Variants in HDAC9 observed in about 807,000 individuals in gnomAD.
HDAC9 encodes the protein MEF-2 interacting transcription repressor (MITR) protein.
In HDAC9, 41 loss-of-function variants were observed where a neutral mutation model predicts 139.4. The observed-to-expected ratio is 0.29, with a 90% CI of 0.23 to 0.38. The LOEUF is 0.38. Ranked by LOEUF, HDAC9 falls within the 10% of genes least tolerant of loss-of-function variation. The pLI, the probability that HDAC9 is intolerant of heterozygous loss-of-function variation, is 1.00. For synonymous variants in HDAC9, 517 were observed against 476.2 expected, an observed-to-expected ratio of 1.09 and a Z score of -1.12; for missense variants, 1,147 against 1,297.0, an observed-to-expected ratio of 0.88 and a Z score of 1.78.
intron 8 of HDAC9, among the ~76,000 whole-genome samples, chr7:18,644,226 A>T (rs1454570967): frequency 1.3e-5 from 2 of 152,098 alleles, no homozygotes; most frequent in Non-Finnish European, 2.9e-5. Context: ...TTAATCTAAG[A>T]TTTTTCTTGG....
intron 2 of HDAC9, among the ~76,000 whole-genome samples, chr7:18,208,470 G>T (rs1791704139): frequency 6.6e-6 from 1 of 150,434 alleles, no homozygotes; most frequent in Non-Finnish European, 1.5e-5. Flanking sequence ...CTAACTCCTG[G>T]GCTCAAGTGA....
At chr7:18,753,186 C>A (rs887447495) in intron 14 of HDAC9, among the ~76,000 whole-genome samples, 1 of 152,024 alleles carries the variant, frequency 6.6e-6, no homozygotes, top group African/African-American at 2.4e-5. Flanking sequence ...GACAATCATA[C>A]AAATAAATAC....
At chr7:18,369,503 C>G (rs1259030648) in intron 1 of HDAC9, among the ~76,000 whole-genome samples, 1 of 150,326 alleles carries the variant, frequency 6.7e-6, no homozygotes, top group Non-Finnish European at 1.5e-5. Context: ...TTTTTCTTCT[C>G]TTTTAAATAT....
intron 1 of HDAC9, among the ~76,000 whole-genome samples, chr7:18,427,441 A>AC (rs1790222018): frequency 6.6e-6 from 1 of 151,386 alleles, no homozygotes; most frequent in Non-Finnish European, 1.5e-5. Context: ...TTATTTAGTC[A>AC]TTCATTCATT....
At chr7:18,269,539 A>G (rs1009881484) in intron 2 of HDAC9, among the ~76,000 whole-genome samples, 1 of 152,122 alleles carries the variant, frequency 6.6e-6, no homozygotes, top group African/African-American at 2.4e-5. Flanking sequence ...ACTGATCAGT[A>G]TATGAAGTCA....
At chr7:18,598,080 T>A (rs1212870320) in intron 6 of HDAC9, among the ~76,000 whole-genome samples, 10 of 152,148 alleles carry the variant, frequency 6.6e-5, no homozygotes, top group Non-Finnish European at 1.5e-4. Context: ...CCTATTCAAG[T>A]CATTATAATA....
At chr7:18,989,527 G>A (rs1785680452) in intron 25 of HDAC9, among the ~76,000 whole-genome samples, 2 of 149,602 alleles carry the variant, frequency 1.3e-5, no homozygotes, top group Non-Finnish European at 3.0e-5. Context: ...TGACAATTAT[G>A]TGTCTTGGAG....
At chr7:18,298,376 G>A (rs749841291) in intron 1 of HDAC9, among the ~76,000 whole-genome samples, 7 of 151,492 alleles carry the variant, frequency 4.6e-5, no homozygotes, top group Non-Finnish European at 8.8e-5. Context: ...ATGCTGGTGC[G>A]CTACACCCAG....
At chr7:18,898,906 C>T (rs1193830969) in intron 22 of HDAC9, among the ~76,000 whole-genome samples, 1 of 151,816 alleles carries the variant, frequency 6.6e-6, no homozygotes, top group African/African-American at 2.4e-5. Flanking sequence ...AAAGTATATC[C>T]TTTAAGAAAT....
At chr7:18,619,051 T>A (rs1409725971) in intron 6 of HDAC9, among the ~76,000 whole-genome samples, 1 of 152,128 alleles carries the variant, frequency 6.6e-6, no homozygotes, top group Non-Finnish European at 1.5e-5. Flanking sequence ...CTAGATAGAT[T>A]TTTAAATTTG....
chr7:18,770,823 A>G (rs1443492968), intron 16 of HDAC9, among the ~76,000 whole-genome samples: 1 of 152,158 alleles, frequency 6.6e-6, no homozygotes, highest in African/African-American at 2.4e-5. Context: ...TTAGATGAGG[A>G]ATGGGCTCTC....
At chr7:18,898,335 G>T (rs1350299187) in intron 22 of HDAC9, among the ~76,000 whole-genome samples, 6 of 151,478 alleles carry the variant, frequency 4.0e-5, no homozygotes, top group Admixed American at 2.0e-4. Context: ...ACTTGTATAT[G>T]GCATAAAAAG....
intron 13 of HDAC9, among the ~76,000 whole-genome samples, chr7:18,732,477 C>T (rs1312854637): frequency 2.0e-5 from 2 of 99,514 alleles, no homozygotes; most frequent in Non-Finnish European, 4.1e-5. Flanking sequence ...TGTGTATATA[C>T]AGTGTATATA....
chr7:18,502,095 C>T (rs1328014490), intron 2 of HDAC9, among the ~76,000 whole-genome samples: 3 of 152,012 alleles, frequency 2.0e-5, no homozygotes, highest in Admixed American at 1.3e-4. Flanking sequence ...TGTAGCAGTT[C>T]CAAGCATTAT....
intron 24 of HDAC9, among the ~76,000 whole-genome samples, chr7:18,970,597 T>TG: frequency 6.6e-6 from 1 of 152,330 alleles, no homozygotes; most frequent in South Asian, 2.1e-4. Flanking sequence ...AACAATGTTT[T>TG]GGATCATGCC....
chr7:18,927,735 T>C lies in HDAC9; in HGVS notation c.2804-8074T>C, dbSNP rs557209839. 3.0e-3 allele frequency among the ~76,000 whole-genome samples: 462 copies of C among 152,302 alleles called. 9 individuals are homozygous for C. The highest frequency in any genetic ancestry group is 9.5e-3 in the South Asian group (46 of 4,828). ...AATTGGTAGTGAGACTTTTTAGCCA[T>C]AGAAGAGTTACAAATTAATACAAAT... On this transcript the variant is annotated intron_variant, in intron 22 of 25. Coordinates refer to ENST00000686413, the MANE Select transcript of HDAC9 (RefSeq NM_178425.4).
At chr7:18,476,005 A>G (rs1795084487) in intron 1 of HDAC9, among the ~76,000 whole-genome samples, 1 of 152,116 alleles carries the variant, frequency 6.6e-6, no homozygotes, top group East Asian at 1.9e-4. Flanking sequence ...CTTGAAACCC[A>G]ACTATGTGTT....
At chr7:18,851,981 A>C (rs921697348) in intron 21 of HDAC9, among the ~76,000 whole-genome samples, 15 of 152,336 alleles carry the variant, frequency 9.8e-5, no homozygotes, top group Admixed American at 5.2e-4. Flanking sequence ...GAAATACCTT[A>C]GGAACCAAGG....
At chr7:18,148,403 A>G (rs1461193015) in intron 1 of HDAC9, among the ~76,000 whole-genome samples, 2 of 152,164 alleles carry the variant, frequency 1.3e-5, no homozygotes, top group Non-Finnish European at 2.9e-5. Context: ...CTATTATTCC[A>G]TAGGCACATC....
Sources: allele counts gnomAD v4.1 joint callset (sites outside exome capture counted in the v4.1 genomes callset), GRCh38; gene constraint gnomAD v4.1.1; transcripts MANE v1.5; gene names NCBI Gene and HGNC (gene_info 2026-07-23, HGNC 2026-07-21).